Variants in TRIM41 observed in about 807,000 individuals in gnomAD.
TRIM41 encodes E3 ubiquitin-protein ligase TRIM41.
Under a neutral mutation model 60.6 loss-of-function variants are expected in TRIM41, and 21 were observed. The observed-to-expected ratio is 0.35, with a 90% CI of 0.25 to 0.50. The LOEUF (loss-of-function observed/expected upper bound fraction) is 0.50, where lower values mean the gene tolerates loss of function less well. Among genes scored for constraint, TRIM41 ranks in the 20% least tolerant of loss-of-function variants. The probability of loss-of-function intolerance (pLI) is 0.98; values close to 1 mark genes in which losing one functional copy is unlikely to be tolerated. For synonymous variants in TRIM41, 407 were observed against 344.9 expected, an observed-to-expected ratio of 1.18 and a Z score of -2.00; for missense variants, 846 against 868.3, an observed-to-expected ratio of 0.97 and a Z score of 0.32.
intron 1 of TRIM41, chr5:181,230,219 C>A (rs113252297): frequency 6.6e-6 from 1 of 152,476 alleles, no homozygotes; most frequent in Admixed American, 6.5e-5. Context: ...GCCGGCCGGG[C>A]GCGGTGGCTC....
rs1758405674 is a variant in TRIM41, at chr5:181,223,855, G to A, written c.-145G>A. On this transcript the variant is annotated 5_prime_UTR_variant, in exon 1 of 6. Transcript: ENST00000315073. ...GAACACTGTGTTGGGGTGGGTTGTC[G>A]GCAGGACATCTCTCTGGCTGCTCTT... 9 of 785,824 alleles carry A rather than the reference G, an allele frequency of 1.1e-5. No individual in the cohort carries two copies. The highest frequency in any genetic ancestry group is 1.1e-4 in the South Asian group (6 of 56,206). 48.7% of individuals were successfully genotyped at this position (785,824 alleles called of 1,614,324 possible). A position where few individuals can be genotyped will look rare whatever the true frequency, so the allele number is the denominator to read the frequency against.
At chr5:181,230,876 C>T in intron 2 of TRIM41, 37 bp downstream of exon 2, 1 of 1,583,648 alleles carries the variant, frequency 6.3e-7, no homozygotes, top group Non-Finnish European at 8.7e-7. Context: ...ATGGGCAGTA[C>T]AGTCGAGGCA....
At position 181,235,082 on chromosome 5, in the gene TRIM41, A is replaced by AG. The variant is rs1442020270; in HGVS notation, c.*311dup. 1 of 1,607,428 alleles carries AG rather than the reference A, an allele frequency of 6.2e-7. No homozygotes were observed. Among genetic ancestry groups the AG allele is most frequent in the African/African-American group, 1.3e-5 (1 of 74,692 alleles). ...CCAGCCCTGGGACTGGAATTTGAGT[A>AG]GGGGATGAGGGGAAATTGTAATTTC... is the stretch of plus-strand genomic sequence containing the variant. On this transcript the variant is annotated 3_prime_UTR_variant, in exon 6 of 6. Transcript: ENST00000315073.
At chr5:181,232,414 C>T (rs1333603449) in intron 2 of TRIM41, 1 of 506,696 alleles carries the variant, frequency 2.0e-6, no homozygotes, top group Non-Finnish European at 3.5e-6. Context: ...GATGAGTCAA[C>T]TTAGGTAGAG....
chr5:181,234,882 G>C lies in TRIM41; in HGVS notation c.*107G>C. On this transcript the variant is annotated 3_prime_UTR_variant, in exon 6 of 6. Transcript: ENST00000315073. The surrounding 1 kb of genome is among the most constrained non-coding windows in gnomAD (Gnocchi z 5.6). ...AAGGCTCTTCCCACTGCTTGTTACT[G>C]TGTTGCTTCCCACTCCCCCTTGACC... 1.2e-6 allele frequency: 2 copies of C among 1,611,764 alleles called. No individual in the cohort carries two copies. Among genetic ancestry groups the C allele is most frequent in the Non-Finnish European group, 1.7e-6 (2 of 1,179,748 alleles).
At position 181,234,808 on chromosome 5, in the gene TRIM41, G is replaced by C. The variant is rs774262254; in HGVS notation, c.*33G>C. Reference sequence around the variant, plus strand: ...GCCACCCGCAGGGGCCCCTCTGTCAGCACTTGGGGGGTGGGTGGTGGAGGG... The same window carrying C: ...GCCACCCGCAGGGGCCCCTCTGTCACCACTTGGGGGGTGGGTGGTGGAGGG... On this transcript the variant is annotated 3_prime_UTR_variant, in exon 6 of 6. Transcript: ENST00000315073. This position sits in a 1 kb window ranked among gnomAD's most constrained non-coding sequence, Gnocchi z 5.6. 1 of 1,606,298 alleles carries C rather than the reference G, an allele frequency of 6.2e-7. No homozygotes were observed. The highest frequency in any genetic ancestry group is 8.5e-7 in the Non-Finnish European group (1 of 1,175,886).
chr5:181,234,679 C>G lies in TRIM41; in HGVS notation c.1797C>G (p.Ala599=), dbSNP rs1758991081. The change falls in exon 6 of 6, where the codon GCC becomes GCG. Residue 599 remains alanine, a synonymous_variant. Coordinates refer to ENST00000315073, the MANE Select transcript of TRIM41 (RefSeq NM_033549.5). This position sits in a 1 kb window ranked among gnomAD's most constrained non-coding sequence, Gnocchi z 5.6. ...GCTTCTACAACGCAGAGACTCTAGCCCACGTGCACACCTTCTCGGCTGCCT... is the reference window on the plus strand; with the variant it reads ...GCTTCTACAACGCAGAGACTCTAGCGCACGTGCACACCTTCTCGGCTGCCT... ...RLGFYNAETL[A]HVHTFSAAFL... is the part of the protein sequence containing the mutation. 4 of 1,614,214 alleles carry G rather than the reference C, an allele frequency of 2.5e-6. No homozygotes were observed. Among genetic ancestry groups the G allele is most frequent in the Non-Finnish European group, 3.4e-6 (4 of 1,180,038 alleles).
chr5:181,230,636 G>T lies in TRIM41; in HGVS notation c.814-108G>T. 4 of 782,676 alleles carry T rather than the reference G, an allele frequency of 5.1e-6. No homozygotes were observed. In the Admixed American group the frequency reaches 6.8e-5, roughly 13 times the overall value. The allele number at this position is 782,676 out of a possible 1,614,324, so 48.5% of individuals were successfully genotyped here. ...TACTCACTTGACACCCATTTTCGGG[G>T]GTAGGGATCAGGCTTTGACCCATCT... On this transcript the variant is annotated intron_variant, in intron 1 of 5. Transcript: ENST00000315073.
chr5:181,229,440 T>C (rs963479870), intron 1 of TRIM41: 4 of 152,198 alleles, frequency 2.6e-5, no homozygotes, highest in African/African-American at 9.7e-5. Context: ...GTAGAAGACA[T>C]AGAAAAGGTA....
At chr5:181,230,555 A>C in intron 1 of TRIM41, 189 bp from the exon 2 acceptor site, 1 of 391,950 alleles carries the variant, frequency 2.6e-6, no homozygotes, top group Non-Finnish European at 4.8e-6. Flanking sequence ...AGACGTGCAC[A>C]GAGGGATTGG....
At chr5:181,230,611 TACTC>T (rs1190410391) in intron 1 of TRIM41, 129 bp from the exon 2 acceptor site, 4 of 552,492 alleles carry the variant, frequency 7.2e-6, no homozygotes, top group Non-Finnish European at 1.3e-5. Flanking sequence ...GAAGGTATAA[TACTC>T]ACTTGACACC....
At position 181,234,434 on chromosome 5, in the gene TRIM41, T is replaced by C. The variant is rs1758972549; in HGVS notation, c.1552T>C (p.Ser518Pro). 2 of 1,603,166 alleles carry C rather than the reference T, an allele frequency of 1.2e-6. No homozygotes were observed. Among genetic ancestry groups the C allele is most frequent in the African/African-American group, 1.3e-5 (1 of 74,588 alleles). The change falls in exon 6 of 6, where the codon TCC becomes CCC. Residue 518 changes from serine to proline, a missense_variant. Ser to Pro is a moderately conservative substitution (Grantham distance 74). Coordinates refer to ENST00000315073, the MANE Select transcript of TRIM41 (RefSeq NM_033549.5). The surrounding 1 kb of genome is among the most constrained non-coding windows in gnomAD (Gnocchi z 5.6). The stretch of plus-strand genomic sequence containing the variant: ...TAAGGAAAAGGTGGGCCCTGGGGGT[T>C]CCTCCGTGGGCAGCGGGGATGCCAG... ...HHKEKVGPGG[S>P]SVGSGDASSS...
rs545568979 is a variant in TRIM41 at position 181,235,100 on chromosome 5, G to A, written c.*325G>A. 4.4e-6 allele frequency: 7 copies of A among 1,603,170 alleles called. No individual in the cohort carries two copies. In the East Asian group the frequency reaches 1.1e-4, roughly 26 times the overall value. ...TTTGAGTAGGGGATGAGGGGAAATT[G>A]TAATTTCATTCCTTAACTTCCTTTT... On this transcript the variant is annotated 3_prime_UTR_variant, in exon 6 of 6. Coordinates refer to ENST00000315073, the MANE Select transcript of TRIM41 (RefSeq NM_033549.5).
rs760870538 is a variant in TRIM41 at position 181,224,660 on chromosome 5, G to A, written c.661G>A (p.Val221Met). ...MHPTPGRGSRVTDQGICPKHQ... is the reference protein window; with the variant it reads ...MHPTPGRGSRMTDQGICPKHQ... The stretch of plus-strand genomic sequence containing the variant: ...CCCAACCCCTGGTCGAGGGAGCCGC[G>A]TGACCGATCAGGGCATCTGTCCCAA... The change falls in exon 1 of 6, where the codon GTG becomes ATG. Residue 221 changes from valine to methionine, a missense_variant. Physicochemically the swap from Val to Met is conservative, Grantham distance 21. Coordinates refer to ENST00000315073, the MANE Select transcript of TRIM41 (RefSeq NM_033549.5). The A allele has an allele frequency of 2.5e-6, 4 of 1,614,222 alleles. No individual in the cohort carries two copies. The highest frequency in any genetic ancestry group is 2.2e-5 in the East Asian group (1 of 44,886).
rs1758921313 is a variant in TRIM41, at chr5:181,233,855, G to C, written c.1291+92G>C. The C allele has an allele frequency of 7.6e-6, 12 of 1,587,360 alleles. No homozygotes were observed. Among genetic ancestry groups the C allele is most frequent in the Non-Finnish European group, 1.0e-5 (12 of 1,161,454 alleles). On this transcript the variant is annotated intron_variant, in intron 5 of 5. Transcript: ENST00000315073. The surrounding 1 kb of genome is among the most constrained non-coding windows in gnomAD (Gnocchi z 4.1). ...GGAAGTTGGGCCCCAGGGAAACTGT[G>C]GGGCTTGAGATGGAGCAGGATCCAG...
chr5:181,229,539 G>A (rs991364281), intron 1 of TRIM41: 1 of 152,270 alleles, frequency 6.6e-6, no homozygotes, highest in Non-Finnish European at 1.5e-5. Context: ...GAAACACAGA[G>A]CTCGTGTGCC....
intron 1 of TRIM41, chr5:181,226,812 T>C (rs960158992): frequency 1.3e-5 from 2 of 152,088 alleles, no homozygotes; most frequent in African/African-American, 4.8e-5. Context: ...CTGCCTGAAA[T>C]CCCGTATTAG....
chr5:181,235,317 T>C lies in TRIM41; in HGVS notation c.*542T>C. 1 of 1,614,168 alleles carries C rather than the reference T, an allele frequency of 6.2e-7. No individual in the cohort carries two copies. The highest frequency in any genetic ancestry group is 8.5e-7 in the Non-Finnish European group (1 of 1,180,018). ...CTATTCTCCTGGGGAGGAGGGATTCTAAACTTTCCTTCCGTCCTCAATTTC... is the reference window on the plus strand; with the variant it reads ...CTATTCTCCTGGGGAGGAGGGATTCCAAACTTTCCTTCCGTCCTCAATTTC... On this transcript the variant is annotated 3_prime_UTR_variant, in exon 6 of 6. Transcript: ENST00000315073.
intron 2 of TRIM41, chr5:181,231,231 T>C (rs1758784678): frequency 4.2e-6 from 1 of 237,522 alleles, no homozygotes. Context: ...GCGGACACTG[T>C]CCTGGGACAC....
Sources: gnomAD v4.1 joint callset for allele counts on GRCh38, gnomAD v4.1.1 for gene constraint, Gnocchi (gnomAD v3.1) non-coding constraint, MANE v1.5 for transcripts, NCBI Gene and HGNC (gene_info 2026-07-23, HGNC 2026-07-21) for gene names.